The following TENM2 variants were observed in gnomAD, a reference collection of about 807,000 sequenced individuals.
TENM2 encodes the protein teneurin-2.
Under a neutral mutation model 245.2 loss-of-function variants are expected in TENM2, and 52 were observed. The observed-to-expected ratio is 0.21, with a 90% confidence interval of 0.17 to 0.27. The LOEUF is 0.27. TENM2 is among the 10% of genes least tolerant of loss of function. The probability of loss-of-function intolerance (pLI) is 1.00; values close to 1 mark genes in which losing one functional copy is unlikely to be tolerated. For missense variants in TENM2, 3,046 were observed against 3,666.8 expected, an observed-to-expected ratio of 0.83 and a Z score of 4.37; for synonymous variants, 1,363 against 1,438.9, an observed-to-expected ratio of 0.95 and a Z score of 1.19.
the TENM2 span, among the ~76,000 whole-genome samples, chr5:166,983,728 A>G: frequency 6.6e-6 from 1 of 152,098 alleles, no homozygotes; most frequent in African/African-American, 2.4e-5. Context: ...TGGGAAATAT[A>G]ACAGTGCATT....
chr5:167,171,282 G>A, the TENM2 span, among the ~76,000 whole-genome samples: 3 of 152,150 alleles, frequency 2.0e-5, no homozygotes, highest in African/African-American at 7.2e-5. Context: ...CCTGGTAGCT[G>A]AATGGCCCCT....
intron 13 of TENM2, among the ~76,000 whole-genome samples, chr5:168,180,678 C>G (rs1759789825): frequency 6.6e-6 from 1 of 152,136 alleles, no homozygotes; most frequent in Non-Finnish European, 1.5e-5. Flanking sequence ...GGTGAATCAC[C>G]TGAAGTCAGG....
At chr5:167,599,839 GCT>G (rs971920319) in intron 2 of TENM2, among the ~76,000 whole-genome samples, 3 of 152,002 alleles carry the variant, frequency 2.0e-5, no homozygotes, top group Non-Finnish European at 4.4e-5. Flanking sequence ...CAGTGAAGTG[GCT>G]GAGAATATCG....
At chr5:168,040,485 G>T (rs747128484) in intron 5 of TENM2, among the ~76,000 whole-genome samples, 1 of 152,158 alleles carries the variant, frequency 6.6e-6, no homozygotes, top group East Asian at 1.9e-4. Context: ...TACCGTTAAA[G>T]GGATTTGTGG....
the TENM2 span, among the ~76,000 whole-genome samples, chr5:167,001,774 A>G: frequency 3.9e-5 from 6 of 152,102 alleles, no homozygotes; most frequent in African/African-American, 1.4e-4. Flanking sequence ...TTATACAGCA[A>G]AGCACATGGT....
At chr5:167,092,448 T>C in the TENM2 span, among the ~76,000 whole-genome samples, 1 of 152,168 alleles carries the variant, frequency 6.6e-6, no homozygotes, top group Admixed American at 6.6e-5. Flanking sequence ...TAGATTTAGG[T>C]TATAGAGTCA....
intron 12 of TENM2, among the ~76,000 whole-genome samples, chr5:168,131,633 G>C (rs936562478): frequency 1.3e-5 from 2 of 152,208 alleles, no homozygotes; most frequent in Non-Finnish European, 1.5e-5. Context: ...GAACAATAGG[G>C]AACAGGTTGA....
chr5:167,552,679 C>T (rs1404030583), intron 2 of TENM2, among the ~76,000 whole-genome samples: 1 of 152,162 alleles, frequency 6.6e-6, no homozygotes, highest in East Asian at 1.9e-4. Flanking sequence ...GGCTTGTCTG[C>T]AAAGCCTGGA....
At chr5:167,202,408 C>T in the TENM2 span, among the ~76,000 whole-genome samples, 1 of 152,128 alleles carries the variant, frequency 6.6e-6, no homozygotes, top group Non-Finnish European at 1.5e-5. Flanking sequence ...CTACCTTCTT[C>T]AGGATTCATT....
chr5:167,062,503 G>GAAA, the TENM2 span, among the ~76,000 whole-genome samples: 81,992 of 149,386 alleles, frequency 0.55, 23,220 homozygotes, highest in African/African-American at 0.7. Context: ...AATACACATT[G>GAAA]AAAAAAAAAA....
chr5:166,986,635 C>T, the TENM2 span, among the ~76,000 whole-genome samples: 2 of 152,168 alleles, frequency 1.3e-5, no homozygotes, highest in East Asian at 1.9e-4. Flanking sequence ...GGAAAACAAA[C>T]TACTGTTGAA....
At chr5:167,052,212 C>A in the TENM2 span, among the ~76,000 whole-genome samples, 1 of 152,026 alleles carries the variant, frequency 6.6e-6, no homozygotes, top group Non-Finnish European at 1.5e-5. Context: ...ATGGAGAATA[C>A]CTCAATAATA....
intron 2 of TENM2, among the ~76,000 whole-genome samples, chr5:167,696,658 T>C (rs1435628417): frequency 6.6e-6 from 1 of 151,904 alleles, no homozygotes; most frequent in East Asian, 1.9e-4. Context: ...GAAAAGAGAG[T>C]GTGCTGTATT....
chr5:167,801,141 T>A (rs1462008689), intron 2 of TENM2, among the ~76,000 whole-genome samples: 3 of 104,844 alleles, frequency 2.9e-5, no homozygotes, highest in Admixed American at 9.6e-5. Context: ...TATATATATA[T>A]ATATATATAT....
At chr5:167,106,972 C>T in the TENM2 span, among the ~76,000 whole-genome samples, 3 of 151,580 alleles carry the variant, frequency 2.0e-5, no homozygotes, top group African/African-American at 4.8e-5. Flanking sequence ...GAGCCAGGCG[C>T]GGTGGCTCAT....
intron 2 of TENM2, among the ~76,000 whole-genome samples, chr5:167,645,516 A>C (rs1779870748): frequency 6.6e-6 from 1 of 151,996 alleles, no homozygotes. Context: ...TACAGGAAAC[A>C]CTTGTGTGTT....
chr5:167,063,843 A>G, the TENM2 span, among the ~76,000 whole-genome samples: 1 of 152,236 alleles, frequency 6.6e-6, no homozygotes, highest in African/African-American at 2.4e-5. Flanking sequence ...AAGCATATTT[A>G]ATAGCCTATA....
At chr5:167,594,559 G>T (rs962321879) in intron 2 of TENM2, among the ~76,000 whole-genome samples, 1 of 152,126 alleles carries the variant, frequency 6.6e-6, no homozygotes, top group African/African-American at 2.4e-5. Context: ...TAATTTCCAT[G>T]TTTTGTTTAA....
chr5:167,120,479 G>A, the TENM2 span, among the ~76,000 whole-genome samples: 1 of 152,164 alleles, frequency 6.6e-6, no homozygotes, highest in South Asian at 2.1e-4. Context: ...CAAAATGTTG[G>A]AAAATCTTAT....
Sources: allele counts gnomAD v4.1 joint callset (sites outside exome capture counted in the v4.1 genomes callset), GRCh38; gene constraint gnomAD v4.1.1; transcripts MANE v1.5; gene names NCBI Gene and HGNC (gene_info 2026-07-23, HGNC 2026-07-21).